The following UGT1A7 variants were observed in gnomAD, a reference collection of about 807,000 sequenced individuals.
UGT1A7 encodes the protein UDP-glucuronosyltransferase 1A7.
A neutral mutation model predicts 45.6 loss-of-function variants in UGT1A7; 33 were observed. That is an observed-to-expected ratio of 0.72 (90% confidence interval 0.55 to 0.97). The LOEUF is 0.97. Among genes scored for constraint, UGT1A7 ranks in the 50% least tolerant of loss-of-function variants. The pLI is 0.00. For synonymous variants in UGT1A7, 274 were observed against 250.6 expected (o/e 1.09, Z -0.88); for missense variants, 684 against 666.2 (o/e 1.03, Z -0.29).
intron 1 of UGT1A7, among the ~76,000 whole-genome samples, chr2:233,698,922 T>C (rs187139910): frequency 6.6e-6 from 1 of 152,318 alleles, no homozygotes; most frequent in Admixed American, 6.5e-5. Flanking sequence ...GACGTGGCCG[T>C]CTCAGAGGGC....
chr2:233,768,399 G>A lies in UGT1A7; in HGVS notation c.1255G>A (p.Asp419Asn). ...TLNVLEMTSE[D>N]LENALKAVIN... ...GAATGTTCTGGAAATGACTTCTGAA[G>A]ATTTAGAAAATGCTCTAAAAGCAGT... Residue 419 changes from aspartate to asparagine, a missense_variant, in exon 4 of 5, where the codon GAT (aspartate) becomes AAT (asparagine). Physicochemically the swap from Asp to Asn is conservative, Grantham distance 23 (BLOSUM62 1). Coordinates refer to ENST00000373426, the MANE Select transcript of UGT1A7 (RefSeq NM_019077.3). 2 of 1,614,194 alleles carry A rather than the reference G, an allele frequency of 1.2e-6. No individual in the cohort carries two copies. Among genetic ancestry groups the A allele is most frequent in the African/African-American group, 2.7e-5 (2 of 75,034 alleles).
At chr2:233,719,235 AG>A in intron 1 of UGT1A7, 1 of 1,614,202 alleles carries the variant, frequency 6.2e-7, no homozygotes, top group Non-Finnish European at 8.5e-7. Flanking sequence ...GGCCCTGATC[AG>A]GCACCTGAAT....
chr2:233,747,593 T>A (rs1693725336), intron 1 of UGT1A7: 2 of 1,577,004 alleles, frequency 1.3e-6, no homozygotes, highest in Non-Finnish European at 1.7e-6. Flanking sequence ...TTCATAGGTC[T>A]TGTGTGGAGC....
chr2:233,682,009 G>T lies in UGT1A7; in HGVS notation c.72G>T (p.Lys24Asn). The change falls in exon 1 of 5, where the codon AAG (lysine) becomes AAT (asparagine). Residue 24 changes from lysine (K) to asparagine (N), a missense_variant. Physicochemically the swap from Lys to Asn is moderately conservative, Grantham distance 94. Transcript: ENST00000373426. ...VCLLLTCGFA[K>N]AGKLLVVPMD... ...TACTGCTGACCTGTGGCTTTGCCAA[G>T]GCAGGGAAGCTGCTGGTAGTGCCCA... 1 of 1,614,122 alleles carries T rather than the reference G, an allele frequency of 6.2e-7. No homozygotes were observed. Among genetic ancestry groups the T allele is most frequent in the Admixed American group, 1.7e-5 (1 of 59,986 alleles).
At chr2:233,693,184 G>A (rs1457518108) in intron 1 of UGT1A7, 2 of 1,614,016 alleles carry the variant, frequency 1.2e-6, no homozygotes, top group African/African-American at 1.3e-5. Flanking sequence ...TAGTGGTGGT[G>A]CCTGAAGTTA....
At chr2:233,721,228 G>A (rs2076928713) in intron 1 of UGT1A7, among the ~76,000 whole-genome samples, 1 of 152,140 alleles carries the variant, frequency 6.6e-6, no homozygotes, top group Non-Finnish European at 1.5e-5. Context: ...ATGCAATGTA[G>A]TTACTGAATT....
intron 1 of UGT1A7, chr2:233,748,175 C>G: frequency 6.3e-7 from 1 of 1,584,336 alleles, no homozygotes; most frequent in South Asian, 1.2e-5. Context: ...ACTTATCTTT[C>G]TGGTGCTTTT....
intron 1 of UGT1A7, chr2:233,743,980 G>A (rs1692624028): frequency 1.2e-5 from 15 of 1,302,748 alleles, no homozygotes; most frequent in African/African-American, 1.5e-5. Flanking sequence ...CCAGCACCCA[G>A]GCGCAGGCCC....
At chr2:233,690,868 G>C in intron 1 of UGT1A7, 2 of 1,065,100 alleles carry the variant, frequency 1.9e-6, no homozygotes, top group Non-Finnish European at 2.3e-6. Flanking sequence ...TAATTTGCAA[G>C]AAGGTGTTAG....
chr2:233,772,113 TA>T, intron 4 of UGT1A7, 148 bp from the exon 5 acceptor site: 2 of 1,529,488 alleles, frequency 1.3e-6, no homozygotes, highest in South Asian at 2.5e-5. Flanking sequence ...ACTCTGTATC[TA>T]AAAACAACAA....
At position 233,682,309 on chromosome 2, in the gene UGT1A7, C is replaced by T; in HGVS notation, c.372C>T (p.Cys124=). Residue 124 remains cysteine (C), a synonymous_variant, in exon 1 of 5, where the codon TGC becomes TGT. Coordinates refer to ENST00000373426, the MANE Select transcript of UGT1A7 (RefSeq NM_019077.3). ...NGIFDLFFSN[C]RSLFNDRKLV... ...TTTTTGACTTATTTTTTTCAAATTGCAGGAGTTTGTTTAATGACCGAAAAT... is the reference window on the plus strand; with the variant it reads ...TTTTTGACTTATTTTTTTCAAATTGTAGGAGTTTGTTTAATGACCGAAAAT... The T allele has an allele frequency of 6.2e-7, 1 of 1,614,034 alleles. No individual in the cohort carries two copies.
chr2:233,706,305 G>A (rs916306818), intron 1 of UGT1A7, among the ~76,000 whole-genome samples: 1 of 152,206 alleles, frequency 6.6e-6, no homozygotes, highest in African/African-American at 2.4e-5. Context: ...GTACTATGTA[G>A]ATAGTGCCTT....
intron 1 of UGT1A7, chr2:233,692,720 C>T (rs781721016): frequency 3.3e-5 from 27 of 821,782 alleles, no homozygotes; most frequent in Admixed American, 3.3e-4. Flanking sequence ...CAAAGTGTTG[C>T]TATAACTTTT....
Position 233,767,956 on chromosome 2 carries a change from T to A in UGT1A7, c.1075+20T>A. 6.2e-7 allele frequency: 1 copy of A among 1,614,192 alleles called. No individual in the cohort carries two copies. Among genetic ancestry groups the A allele is most frequent in the Non-Finnish European group, 8.5e-7 (1 of 1,180,026 alleles). ...TGCTTGGTATGTTGGGCGGATTGGATGTATAGGTCAAACCAGGGTCAAATT... is the reference window on the plus strand; with the variant it reads ...TGCTTGGTATGTTGGGCGGATTGGAAGTATAGGTCAAACCAGGGTCAAATT... On this transcript the variant is annotated intron_variant, in intron 3 of 4. Transcript: ENST00000373426.
At chr2:233,738,538 T>C (rs1559382457) in intron 1 of UGT1A7, among the ~76,000 whole-genome samples, 1 of 152,194 alleles carries the variant, frequency 6.6e-6, no homozygotes, top group Non-Finnish European at 1.5e-5. Context: ...AAGTCCAGGC[T>C]GAGTCTCAGA....
intron 1 of UGT1A7, chr2:233,761,181 G>A (rs539737168): frequency 1.9e-5 from 31 of 1,614,124 alleles, no homozygotes; most frequent in East Asian, 2.2e-5. Flanking sequence ...TTTTACATGC[G>A]TATATTCTTT....
intron 1 of UGT1A7, among the ~76,000 whole-genome samples, chr2:233,749,453 C>A (rs1313864160): frequency 6.6e-6 from 1 of 151,804 alleles, no homozygotes; most frequent in Non-Finnish European, 1.5e-5. Flanking sequence ...TGGAGCAGAA[C>A]GAATTGGGAA....
At chr2:233,698,920 C>T (rs566818934) in intron 1 of UGT1A7, among the ~76,000 whole-genome samples, 4 of 152,334 alleles carry the variant, frequency 2.6e-5, no homozygotes, top group African/African-American at 7.2e-5. Flanking sequence ...GGGACGTGGC[C>T]GTCTCAGAGG....
At chr2:233,723,030 C>T (rs1559367712) in intron 1 of UGT1A7, among the ~76,000 whole-genome samples, 1 of 143,404 alleles carries the variant, frequency 7.0e-6, no homozygotes, top group Non-Finnish European at 1.5e-5. Context: ...GAAGGGCCAG[C>T]GGGAGAGGCA....
Sources: gnomAD v4.1 joint callset for allele counts (sites outside exome capture counted in the v4.1 genomes callset) on GRCh38, gnomAD v4.1.1 for gene constraint, MANE v1.5 for transcripts, NCBI Gene and HGNC (gene_info 2026-07-23, HGNC 2026-07-21) for gene names.